Variants in RHBDD2 observed in about 807,000 individuals in gnomAD.
RHBDD2 encodes the protein rhomboid domain-containing protein 2.
Under a neutral mutation model 21.7 loss-of-function variants are expected in RHBDD2, and 13 were observed. The ratio of observed to expected loss-of-function variants is 0.60; its 90% CI spans 0.39 to 0.95. The LOEUF (loss-of-function observed/expected upper bound fraction) is 0.95. Ranked by LOEUF, RHBDD2 falls within the 40% of genes least tolerant of loss-of-function variation. The pLI is 0.00. For synonymous variants in RHBDD2, 225 were observed against 220.0 expected (o/e 1.02, Z -0.20); for missense variants, 473 against 478.9 (o/e 0.99, Z 0.11).
At chr7:75,886,839 A>G (rs553697914) in intron 3 of RHBDD2, among the ~76,000 whole-genome samples, 59 of 151,418 alleles carry the variant, frequency 3.9e-4, no homozygotes, top group African/African-American at 1.4e-3. Flanking sequence ...GAGTTCTTCC[A>G]TGCTGAATTG....
chr7:75,883,894 A>C, intron 3 of RHBDD2, 46 bp downstream of exon 3: 1 of 1,541,806 alleles, frequency 6.5e-7, no homozygotes, highest in Non-Finnish European at 8.8e-7. Context: ...TTTTAAAAAA[A>C]AAATTATTTT....
Position 75,881,828 on chromosome 7 carries a change from G to T in RHBDD2, c.179-1G>T. The stretch of plus-strand genomic sequence containing the variant: ...GGCCTCTAACCCGACTCCCTCTGCA[G>T]TTTACAGGCTGGTAACCTACATCTT... On this transcript the variant is annotated splice_acceptor_variant, in intron 1 of 3. Transcript: ENST00000006777. LOFTEE classifies it high-confidence loss of function. 6.3e-7 allele frequency: 1 copy of T among 1,596,342 alleles called. No individual in the cohort carries two copies. The highest frequency in any genetic ancestry group is 8.6e-7 in the Non-Finnish European group (1 of 1,168,952).
intron 1 of RHBDD2, among the ~76,000 whole-genome samples, chr7:75,879,618 A>T (rs1311863110): frequency 3.9e-5 from 6 of 152,050 alleles, no homozygotes; most frequent in Non-Finnish European, 7.4e-5. Flanking sequence ...CCCATTTCAC[A>T]TACACACCTA....
In RHBDD2 at chr7:75,888,303, C is replaced by T; in HGVS notation, c.1049C>T (p.Pro350Leu). ...GTVYSGALGTPGAAGSKESSR... is the reference protein window; with the variant it reads ...GTVYSGALGTLGAAGSKESSR... The stretch of plus-strand genomic sequence containing the variant: ...GTGTATTCTGGGGCCTTGGGCACAC[C>T]AGGGGCTGCAGGCTCCAAGGAGTCC... The change falls in exon 4 of 4, where the codon CCA becomes CTA. Residue 350 changes from proline (P) to leucine (L), a missense_variant. Coordinates refer to ENST00000006777, the MANE Select transcript of RHBDD2 (RefSeq NM_001040456.3). The T allele has an allele frequency of 6.2e-7, 1 of 1,612,800 alleles. No individual in the cohort carries two copies. The highest frequency in any genetic ancestry group is 8.5e-7 in the Non-Finnish European group (1 of 1,179,866).
Position 75,879,296 on chromosome 7 carries a change from C to G in RHBDD2, c.178+36C>G, listed in dbSNP as rs782779342. 142 of 1,430,106 alleles carry G rather than the reference C, an allele frequency of 9.9e-5. 1 individual carries two copies. In the African/African-American group the frequency reaches 2.0e-3, roughly 20 times the overall value. 88.6% of individuals were successfully genotyped at this position (1,430,106 alleles called of 1,614,324 possible). ...GCGGGCCGGGATCGCGGGGCGAGTC[C>G]TTGTCCTCCGACTTTGCCGGTTCCT... On this transcript the variant is annotated intron_variant, in intron 1 of 3. Transcript: ENST00000006777.
chr7:75,885,273 G>A (rs573870344), intron 3 of RHBDD2, among the ~76,000 whole-genome samples: 1 of 152,132 alleles, frequency 6.6e-6, no homozygotes, highest in Non-Finnish European at 1.5e-5. Context: ...AGCTTGTGTG[G>A]CCTGGCTGCT....
At chr7:75,883,896 A>T (rs1805492620) in intron 3 of RHBDD2, 48 bp downstream of exon 3, 2 of 1,534,474 alleles carry the variant, frequency 1.3e-6, no homozygotes, top group African/African-American at 1.4e-5. Context: ...TTAAAAAAAA[A>T]ATTATTTTTT....
chr7:75,883,775 C>A lies in RHBDD2; in HGVS notation c.664C>A (p.Leu222Met), dbSNP rs1554543088. 1 of 1,613,874 alleles carries A rather than the reference C, an allele frequency of 6.2e-7. No homozygotes were observed. Among genetic ancestry groups the A allele is most frequent in the South Asian group, 1.1e-5 (1 of 91,080 alleles). The part of the protein sequence containing the change: ...LKLDQTFPFS[L>M]MRRISVFKYV... ...GCTCGATCAGACCTTCCCCTTCAGC[C>A]TGATGAGGAGGATATCCGTGTTCAA... is the stretch of plus-strand genomic sequence containing the variant. The change falls in exon 3 of 4, where the codon CTG (leucine) becomes ATG (methionine). Residue 222 changes from leucine (L) to methionine (M), a missense_variant. Leu to Met is a conservative substitution (Grantham distance 15). Transcript: ENST00000006777.
chr7:75,879,108 G>C lies in RHBDD2; in HGVS notation c.26G>C (p.Arg9Pro), dbSNP rs1444747762. MAASGPGC[R>P]SWCLCPEVPS... Reference sequence around the variant, plus strand: ...ATGGCGGCCTCGGGGCCCGGGTGTCGCAGCTGGTGCTTGTGTCCCGAGGTG... The same window carrying C: ...ATGGCGGCCTCGGGGCCCGGGTGTCCCAGCTGGTGCTTGTGTCCCGAGGTG... The change falls in exon 1 of 4, where the codon CGC (arginine) becomes CCC (proline). Residue 9 changes from arginine (R) to proline (P), a missense_variant. By Grantham distance (103) the Arg-to-Pro change is moderately radical (BLOSUM62 -2). Coordinates refer to ENST00000006777, the MANE Select transcript of RHBDD2 (RefSeq NM_001040456.3). 10 of 1,369,880 alleles carry C rather than the reference G, an allele frequency of 7.3e-6. No homozygotes were observed. Among genetic ancestry groups the C allele is most frequent in the Non-Finnish European group, 9.5e-6 (10 of 1,053,490 alleles). 84.9% of individuals were successfully genotyped at this position (1,369,880 alleles called of 1,614,324 possible).
chr7:75,879,628 A>G (rs1805201255), intron 1 of RHBDD2, among the ~76,000 whole-genome samples: 1 of 151,954 alleles, frequency 6.6e-6, no homozygotes, highest in Non-Finnish European at 1.5e-5. Flanking sequence ...ATACACACCT[A>G]CGTCTGCTTT....
intron 3 of RHBDD2, 52 bp downstream of exon 3, chr7:75,883,900 A>AAAT: frequency 8.7e-7 from 1 of 1,155,580 alleles, no homozygotes; most frequent in South Asian, 1.7e-5. Flanking sequence ...AAAAAAAATT[A>AAAT]TTTTTTTTTT....
chr7:75,882,217 G>A lies in RHBDD2; in HGVS notation c.567G>A (p.Gly189=), dbSNP rs1554542768. ...PQTSFLSNVC[G]LSIGLAYGLT... ...CCTCTTTCCTCAGTAATGTCTGCGG[G>A]CTGTCCATCGGGCTGGCCTGTATCC... The change falls in exon 2 of 4, where the codon GGG becomes GGA. Residue 189 remains glycine (G), a synonymous_variant. Coordinates refer to ENST00000006777, the MANE Select transcript of RHBDD2 (RefSeq NM_001040456.3). 1 of 1,612,644 alleles carries A rather than the reference G, an allele frequency of 6.2e-7. No individual in the cohort carries two copies. Among genetic ancestry groups the A allele is most frequent in the Admixed American group, 1.7e-5 (1 of 59,906 alleles).
Position 75,888,348 on chromosome 7 carries a change from G to T in RHBDD2, c.1094G>T (p.Ter365LeuextTer4), listed in dbSNP as rs782051963. The T allele has an allele frequency of 4.4e-6, 7 of 1,605,600 alleles. No homozygotes were observed. The highest frequency in any genetic ancestry group is 5.1e-6 in the Non-Finnish European group (6 of 1,177,068). ...GAGTCCTCCAGGGTCCCCATGCCCT[G>T]AGAGAATTTCTAGGGAAGTCATCTC... ...SKESSRVPMP[*>L] is the part of the protein sequence containing the mutation. The change falls in exon 4 of 4, where the codon TGA (stop) becomes TTA (leucine). Residue 365 changes from the stop codon to leucine (L), a stop_lost. Coordinates refer to ENST00000006777, the MANE Select transcript of RHBDD2 (RefSeq NM_001040456.3).
chr7:75,888,367 T>C lies in RHBDD2; in HGVS notation c.*18T>C, dbSNP rs375379562. ...TGCCCTGAGAGAATTTCTAGGGAAG[T>C]CATCTCACTTGGCCTTCTGAAGGTC... On this transcript the variant is annotated 3_prime_UTR_variant, in exon 4 of 4. Coordinates refer to ENST00000006777, the MANE Select transcript of RHBDD2 (RefSeq NM_001040456.3). The C allele has an allele frequency of 6.3e-7, 1 of 1,588,714 alleles. No homozygotes were observed. The highest frequency in any genetic ancestry group is 8.6e-7 in the Non-Finnish European group (1 of 1,166,616).
Position 75,879,210 on chromosome 7 carries a change from T to C in RHBDD2, c.128T>C (p.Leu43Pro), listed in dbSNP as rs1554541987. 3.9e-6 allele frequency: 6 copies of C among 1,522,254 alleles called. No individual in the cohort carries two copies. Among genetic ancestry groups the C allele is most frequent in the Admixed American group, 2.1e-5 (1 of 48,546 alleles). 94.3% of individuals were successfully genotyped at this position (1,522,254 alleles called of 1,614,324 possible). The change falls in exon 1 of 4, where the codon CTG becomes CCG. Residue 43 changes from leucine to proline, a missense_variant. Coordinates refer to ENST00000006777, the MANE Select transcript of RHBDD2 (RefSeq NM_001040456.3). Reference sequence around the variant, plus strand: ...CGCCTGTTCCTGCTGCAGCAGCCCCTGGCGCCCTCGGGCCTCACGCTGAAG... The same window carrying C: ...CGCCTGTTCCTGCTGCAGCAGCCCCCGGCGCCCTCGGGCCTCACGCTGAAG... ...GPRLFLLQQP[L>P]APSGLTLKSE... is the part of the protein sequence containing the mutation.
At position 75,885,425 on chromosome 7, in the gene RHBDD2, G is replaced by A. The variant is rs544592172; in HGVS notation, c.737+1577G>A. ...TCCCTCCCTCTCCCCTGTTCCCAGT[G>A]CCTCCTGCCTCTGAGTTCTCCGCTG... On this transcript the variant is annotated intron_variant, in intron 3 of 3. Coordinates refer to ENST00000006777, the MANE Select transcript of RHBDD2 (RefSeq NM_001040456.3). 3.9e-5 allele frequency among the ~76,000 whole-genome samples: 6 copies of A among 152,194 alleles called. No homozygotes were observed. The East Asian group carries it at 1.2e-3, about 29-fold the overall frequency.
At chr7:75,881,546 C>T in intron 1 of RHBDD2, 1 of 1,357,154 alleles carries the variant, frequency 7.4e-7, no homozygotes, top group Non-Finnish European at 9.6e-7. Flanking sequence ...TCAGAGACTG[C>T]CCTCTACCGA....
At chr7:75,885,430 C>T (rs1249882135) in intron 3 of RHBDD2, among the ~76,000 whole-genome samples, 1 of 152,140 alleles carries the variant, frequency 6.6e-6, no homozygotes, top group Non-Finnish European at 1.5e-5. Context: ...CCAGTGCCTC[C>T]TGCCTCTGAG....
At chr7:75,887,277 A>G (rs1554544127) in intron 3 of RHBDD2, among the ~76,000 whole-genome samples, 1 of 149,308 alleles carries the variant, frequency 6.7e-6, no homozygotes, top group African/African-American at 2.5e-5. Context: ...ACCTGGGACT[A>G]GAAGCATATG....
Sources: allele counts gnomAD v4.1 joint callset (sites outside exome capture counted in the v4.1 genomes callset), GRCh38; gene constraint gnomAD v4.1.1; transcripts MANE v1.5; gene names NCBI Gene and HGNC (gene_info 2026-07-23, HGNC 2026-07-21).